Variants in ELK3 observed in about 807,000 individuals in gnomAD.
ELK3 encodes ETS transcription factor ELK3.
A neutral mutation model predicts 28.9 loss-of-function variants in ELK3; 10 were observed. That is an observed-to-expected ratio of 0.35 (90% confidence interval 0.21 to 0.59). ELK3 has a LOEUF of 0.59. ELK3 is among the 20% of genes least tolerant of loss of function. The probability of loss-of-function intolerance (pLI) is 0.82; values close to 1 mark genes in which losing one functional copy is unlikely to be tolerated. For missense variants in ELK3, 463 were observed against 517.3 expected, an observed-to-expected ratio of 0.90 and a Z score of 1.02; for synonymous variants, 272 against 243.5, an observed-to-expected ratio of 1.12 and a Z score of -1.09.
intron 1 of ELK3, chr12:96,212,655 G>T (rs980728046): frequency 6.6e-6 from 1 of 152,162 alleles, no homozygotes; most frequent in African/African-American, 2.4e-5. Context: ...GTGACCAGTT[G>T]GCTGCTTTGA....
intron 1 of ELK3, among the ~76,000 whole-genome samples, chr12:96,199,728 C>G (rs1180943806): frequency 3.3e-5 from 5 of 152,062 alleles, no homozygotes; most frequent in African/African-American, 1.2e-4. Context: ...GGTTTGAATT[C>G]CCACTAGGAA....
chr12:96,227,260 C>T (rs141449396), intron 2 of ELK3, among the ~76,000 whole-genome samples: 1 of 152,260 alleles, frequency 6.6e-6, no homozygotes, highest in Non-Finnish European at 1.5e-5. Flanking sequence ...TCCTCCTCCT[C>T]TTCCTCACTA....
intron 1 of ELK3, among the ~76,000 whole-genome samples, chr12:96,199,231 A>G (rs1306912792): frequency 2.0e-5 from 3 of 152,226 alleles, no homozygotes; most frequent in African/African-American, 7.2e-5. Context: ...CCTTGAAATT[A>G]TCCAACTATG....
chr12:96,250,932 G>C (rs1951900518), intron 3 of ELK3, among the ~76,000 whole-genome samples: 1 of 152,132 alleles, frequency 6.6e-6, no homozygotes, highest in African/African-American at 2.4e-5. Flanking sequence ...AGGGAGCCTT[G>C]GCATGGCCTG....
intron 1 of ELK3, among the ~76,000 whole-genome samples, chr12:96,207,316 G>A (rs1002194238): frequency 6.6e-6 from 1 of 152,214 alleles, no homozygotes; most frequent in Non-Finnish European, 1.5e-5. Context: ...GTACAAAAAT[G>A]TGAGCGAGAC....
intron 3 of ELK3, among the ~76,000 whole-genome samples, chr12:96,255,307 C>G (rs934490192): frequency 6.6e-6 from 1 of 152,100 alleles, no homozygotes; most frequent in Admixed American, 6.5e-5. Context: ...GTGGAAAAGT[C>G]CAGCTGCATC....
At position 96,238,600 on chromosome 12, in the gene ELK3, T is replaced by C. The variant is rs75682933; in HGVS notation, c.208-8340T>C. Among the ~76,000 whole-genome samples the C allele has an allele frequency of 1.7e-3, 257 of 152,358 alleles. 1 individual carries two copies. The highest frequency in any genetic ancestry group is 6.1e-3 in the African/African-American group (254 of 41,584). Reference sequence around the variant, plus strand: ...TGTCACCCTCGTCCCTTGGATGGCATGCCACTTATAGTTTGGCTGCTCATG... The same window carrying C: ...TGTCACCCTCGTCCCTTGGATGGCACGCCACTTATAGTTTGGCTGCTCATG... On this transcript the variant is annotated intron_variant, in intron 2 of 4. Transcript: ENST00000228741.
At chr12:96,200,900 A>C (rs1951503752) in intron 1 of ELK3, among the ~76,000 whole-genome samples, 1 of 152,080 alleles carries the variant, frequency 6.6e-6, no homozygotes, top group South Asian at 2.1e-4. Flanking sequence ...TGGCCTCAAG[A>C]GATCTGCCTG....
rs371846123 is a variant in ELK3 at position 96,247,212 on chromosome 12, C to G, written c.480C>G (p.Ala160=). Residue 160 remains alanine, a synonymous_variant, in exon 3 of 5, where the codon GCC becomes GCG. Transcript: ENST00000228741. The surrounding 1 kb of genome is among the most constrained non-coding windows in gnomAD (Gnocchi z 5.5). The part of the protein sequence containing the change: ...SLQNPPDAFK[A]IKTEKLEEPP... The stretch of plus-strand genomic sequence containing the variant: ...AGAACCCACCAGACGCCTTCAAGGC[C>G]ATCAAGACGGAGAAGCTGGAGGAGC... 1.5e-5 allele frequency: 25 copies of G among 1,614,108 alleles called. No individual in the cohort carries two copies. Among genetic ancestry groups the G allele is most frequent in the Non-Finnish European group, 2.1e-5 (25 of 1,180,044 alleles).
intron 3 of ELK3, among the ~76,000 whole-genome samples, chr12:96,254,868 CAGGG>C (rs1951935780): frequency 6.6e-6 from 1 of 151,876 alleles, no homozygotes; most frequent in Non-Finnish European, 1.5e-5. Flanking sequence ...GCAGGGTAGA[CAGGG>C]AGAGGAAGGC....
chr12:96,217,474 G>T (rs1951626539), intron 1 of ELK3, among the ~76,000 whole-genome samples: 2 of 152,098 alleles, frequency 1.3e-5, no homozygotes, highest in African/African-American at 4.8e-5. Flanking sequence ...TTATTTCAAT[G>T]TTCTTCTTCT....
chr12:96,229,130 T>C (rs1476652231), intron 2 of ELK3, among the ~76,000 whole-genome samples: 2 of 152,218 alleles, frequency 1.3e-5, no homozygotes, highest in Non-Finnish European at 2.9e-5. Flanking sequence ...AGTGAACAAA[T>C]GGATAAAACA....
At chr12:96,218,890 C>T (rs189294559) in intron 1 of ELK3, among the ~76,000 whole-genome samples, 4 of 152,168 alleles carry the variant, frequency 2.6e-5, no homozygotes, top group East Asian at 1.9e-4. Flanking sequence ...CCTTGTGATC[C>T]GCCCGCCTCG....
chr12:96,238,361 T>A (rs149862899), intron 2 of ELK3, among the ~76,000 whole-genome samples: 2,834 of 151,920 alleles, frequency 0.019, 62 homozygotes, highest in Admixed American at 0.067. Flanking sequence ...TCAGTAACTT[T>A]CCCAAGGTCA....
rs937789133 is a variant in ELK3, at chr12:96,209,312, G to C, written c.-2-14253G>C. Among the ~76,000 whole-genome samples, 6 of 152,104 alleles carry C rather than the reference G, an allele frequency of 3.9e-5. 1 individual carries two copies. The highest frequency in any genetic ancestry group is 2.0e-4 in the Admixed American group (3 of 15,292). ...GCAGGAATTCCTACCTTTTGCCTTG[G>C]ATCTACCCTTCCCAGAAAGACGCCT... On this transcript the variant is annotated intron_variant, in intron 1 of 4. Coordinates refer to ENST00000228741, the MANE Select transcript of ELK3 (RefSeq NM_005230.4).
chr12:96,256,004 C>G (rs1951945208), intron 3 of ELK3, among the ~76,000 whole-genome samples: 1 of 115,714 alleles, frequency 8.6e-6, no homozygotes, highest in Non-Finnish European at 2.1e-5. Context: ...TGGGGAACCT[C>G]AAATCTGGGG....
At chr12:96,265,299 T>G (rs1290751660) in intron 4 of ELK3, among the ~76,000 whole-genome samples, 2 of 152,202 alleles carry the variant, frequency 1.3e-5, no homozygotes, top group Non-Finnish European at 2.9e-5. Flanking sequence ...AATCAGTAAT[T>G]TATTTTGCAA....
At chr12:96,262,014 A>C (rs1951996237) in intron 4 of ELK3, among the ~76,000 whole-genome samples, 1 of 131,398 alleles carries the variant, frequency 7.6e-6, no homozygotes, top group African/African-American at 2.8e-5. Context: ...GGCCTGATAA[A>C]AACTTTTTTT....
chr12:96,225,732 C>A (rs920515074), intron 2 of ELK3, among the ~76,000 whole-genome samples: 1 of 152,246 alleles, frequency 6.6e-6, no homozygotes, highest in Non-Finnish European at 1.5e-5. Context: ...GGCACACACA[C>A]ACCCTGCCTT....
Sources: allele counts gnomAD v4.1 joint callset (sites outside exome capture counted in the v4.1 genomes callset), GRCh38; gene constraint gnomAD v4.1.1; non-coding constraint Gnocchi (gnomAD v3.1); transcripts MANE v1.5; gene names NCBI Gene and HGNC (gene_info 2026-07-23, HGNC 2026-07-21).